Variants in DNAH6 observed in about 807,000 individuals in gnomAD.
The protein encoded by DNAH6 is axonemal beta dynein heavy chain 6.
DNAH6 carries 340 observed loss-of-function variants against 491.4 expected under a neutral mutation model. The ratio of observed to expected loss-of-function variants is 0.69; its 90% CI spans 0.63 to 0.76. DNAH6 has a LOEUF of 0.76. DNAH6 is among the 30% of genes least tolerant of loss of function. DNAH6 has a pLI of 0.00. For synonymous variants in DNAH6, 1,603 were observed against 1,686.1 expected (o/e 0.95, Z 1.21); for missense variants, 4,443 against 4,972.2 (o/e 0.89, Z 3.20).
Position 84,685,327 on chromosome 2 carries a change from T to A in DNAH6, c.6918T>A (p.Gly2306=), listed in dbSNP as rs1694164915. Residue 2306 remains glycine, a splice_region_variant and synonymous_variant, in exon 43 of 77, where the codon GGT becomes GGA. Coordinates refer to ENST00000389394, the MANE Select transcript of DNAH6 (RefSeq NM_001370.2). Reference sequence around the variant, plus strand: ...TTTTTTCCTTTTCTTAAAAAACAGGTATCCTCCAATGTGATCCAGGAACAA... The same window carrying A: ...TTTTTTCCTTTTCTTAAAAAACAGGAATCCTCCAATGTGATCCAGGAACAA... ...NLRDLSKCVQ[G]ILQCDPGTIR... The A allele has an allele frequency of 1.4e-6, 2 of 1,454,204 alleles. No individual in the cohort carries two copies. Among genetic ancestry groups the A allele is most frequent in the South Asian group, 3.0e-5 (2 of 66,702 alleles). The allele number at this position is 1,454,204 out of a possible 1,614,324, so 90.1% of individuals were successfully genotyped here. A position where few individuals can be genotyped will look rare whatever the true frequency, so the allele number is the denominator to read the frequency against.
chr2:84,720,302 A>T (rs1461295995), intron 59 of DNAH6, among the ~76,000 whole-genome samples: 5 of 107,184 alleles, frequency 4.7e-5, no homozygotes, highest in Non-Finnish European at 7.1e-5. Flanking sequence ...TTTTTGAGAC[A>T]GAGTCTCGCT....
intron 74 of DNAH6, 138 bp downstream of exon 74, chr2:84,813,268 C>T (rs980036347): frequency 3.0e-6 from 2 of 667,748 alleles, no homozygotes; most frequent in Non-Finnish European, 5.2e-6. Flanking sequence ...CTAACAAGGT[C>T]GTGCTCTTCC....
chr2:84,817,258 G>A (rs1285188425), intron 76 of DNAH6, among the ~76,000 whole-genome samples: 2 of 151,786 alleles, frequency 1.3e-5, no homozygotes, highest in African/African-American at 2.4e-5. Flanking sequence ...TGAAATCCCA[G>A]AGAATGAGAA....
intron 45 of DNAH6, among the ~76,000 whole-genome samples, chr2:84,691,654 A>T (rs1019963960): frequency 8.1e-6 from 1 of 122,830 alleles, no homozygotes; most frequent in African/African-American, 4.3e-5. Flanking sequence ...TGCTGTCATA[A>T]TGCATAAGCA....
At chr2:84,565,572 C>T (rs1332247430) in intron 11 of DNAH6, among the ~76,000 whole-genome samples, 1 of 151,480 alleles carries the variant, frequency 6.6e-6, no homozygotes, top group Admixed American at 6.6e-5. Context: ...TGTGTTTATT[C>T]TTTTTTCTTT....
intron 11 of DNAH6, among the ~76,000 whole-genome samples, chr2:84,568,495 T>C (rs1233720221): frequency 2.0e-5 from 3 of 152,156 alleles, no homozygotes; most frequent in African/African-American, 7.2e-5. Context: ...TTCTCACTTA[T>C]AAGTAGAAGC....
At chr2:84,782,182 C>T (rs1299694033) in intron 65 of DNAH6, among the ~76,000 whole-genome samples, 2 of 152,098 alleles carry the variant, frequency 1.3e-5, no homozygotes, top group Non-Finnish European at 2.9e-5. Context: ...ACTTTTTTGC[C>T]TACTCAAGAA....
intron 62 of DNAH6, among the ~76,000 whole-genome samples, chr2:84,738,395 G>A (rs1247261182): frequency 1.3e-5 from 2 of 151,990 alleles, no homozygotes; most frequent in East Asian, 3.9e-4. Context: ...GTCCAGAATT[G>A]GTCAATTTTC....
chr2:84,669,183 C>G, intron 37 of DNAH6, 106 bp from the exon 38 acceptor site: 4 of 823,904 alleles, frequency 4.9e-6, no homozygotes, highest in Non-Finnish European at 7.8e-6. Context: ...AAATCCAAAT[C>G]CAGTTAGGTT....
intron 33 of DNAH6, among the ~76,000 whole-genome samples, chr2:84,646,265 G>A (rs1689885490): frequency 6.6e-6 from 1 of 152,056 alleles, no homozygotes; most frequent in Non-Finnish European, 1.5e-5. Flanking sequence ...TGTGTGCTCT[G>A]ACTGCTCCAC....
At chr2:84,759,876 A>AC (rs1674401958) in intron 63 of DNAH6, among the ~76,000 whole-genome samples, 1 of 152,210 alleles carries the variant, frequency 6.6e-6, no homozygotes, top group African/African-American at 2.4e-5. Flanking sequence ...TTACAAGGCT[A>AC]TAGTAGCCTT....
At chr2:84,469,788 A>G in the DNAH6 span, among the ~76,000 whole-genome samples, 2 of 152,206 alleles carry the variant, frequency 1.3e-5, no homozygotes, top group Admixed American at 6.5e-5. The surrounding 1 kb of genome is among the most constrained non-coding windows in gnomAD (Gnocchi z 4.0). Flanking sequence ...ACAGCAAAGC[A>G]TGCAAGGCAG....
intron 42 of DNAH6, among the ~76,000 whole-genome samples, 186 bp downstream of exon 42, chr2:84,681,714 A>C (rs1573467693): frequency 6.9e-5 from 10 of 144,154 alleles, no homozygotes; most frequent in South Asian, 2.2e-4. Context: ...CCCATTTCTC[A>C]CTCCCAGCTG....
chr2:84,783,450 T>G (rs572277001), intron 65 of DNAH6, among the ~76,000 whole-genome samples: 1 of 152,346 alleles, frequency 6.6e-6, no homozygotes, highest in South Asian at 2.1e-4. Context: ...GGTTTTTTGG[T>G]TACTGAAATC....
At chr2:84,747,595 C>A (rs1673082668) in intron 63 of DNAH6, among the ~76,000 whole-genome samples, 1 of 152,158 alleles carries the variant, frequency 6.6e-6, no homozygotes, top group African/African-American at 2.4e-5. Context: ...ATGGCTTTCC[C>A]AGACTGAGGG....
At chr2:84,671,034 C>T (rs1331191431) in intron 39 of DNAH6, among the ~76,000 whole-genome samples, 1 of 152,156 alleles carries the variant, frequency 6.6e-6, no homozygotes, top group African/African-American at 2.4e-5. Flanking sequence ...AGGTTTGTGG[C>T]TCCAGGTACG....
At chr2:84,595,856 C>CA in intron 18 of DNAH6, 67 bp downstream of exon 18, 1 of 1,387,130 alleles carries the variant, frequency 7.2e-7, no homozygotes, top group Non-Finnish European at 9.4e-7. Flanking sequence ...CTAATGAGAC[C>CA]AAAATCAGGA....
chr2:84,668,365 A>G (rs2104651577), intron 37 of DNAH6, among the ~76,000 whole-genome samples: 1 of 152,332 alleles, frequency 6.6e-6, no homozygotes, highest in East Asian at 1.9e-4. Context: ...AGTCACAATG[A>G]AAAATGAATT....
At chr2:84,552,572 A>G (rs114731267) in intron 9 of DNAH6, among the ~76,000 whole-genome samples, 1 of 152,320 alleles carries the variant, frequency 6.6e-6, no homozygotes, top group East Asian at 1.9e-4. Flanking sequence ...TCATTAATAT[A>G]TTATTGGCAT....
Sources: allele counts gnomAD v4.1 joint callset (sites outside exome capture counted in the v4.1 genomes callset), GRCh38; gene constraint gnomAD v4.1.1; non-coding constraint Gnocchi (gnomAD v3.1); transcripts MANE v1.5; gene names NCBI Gene and HGNC (gene_info 2026-07-23, HGNC 2026-07-21).